The following RGS6 variants were observed in gnomAD, a reference collection of about 807,000 sequenced individuals.
The protein encoded by RGS6 is regulator of G-protein signaling 6.
In RGS6, 30 loss-of-function variants were observed where a neutral mutation model predicts 78.5. That is an observed-to-expected ratio of 0.38 (90% CI 0.29 to 0.52). RGS6 has a LOEUF of 0.52. Ranked by LOEUF, RGS6 falls within the 20% of genes least tolerant of loss-of-function variation. The pLI is 0.85. For missense variants in RGS6, 495 were observed against 609.7 expected, an observed-to-expected ratio of 0.81 and a Z score of 1.98; for synonymous variants, 206 against 206.0, an observed-to-expected ratio of 1.00 and a Z score of 0.00.
chr14:72,046,041 C>G (rs10151349), intron 2 of RGS6, among the ~76,000 whole-genome samples: 100,589 of 151,738 alleles, frequency 0.66, 33,702 homozygotes, highest in East Asian at 0.89. Flanking sequence ...CAGAGGTCTT[C>G]TTGAGTCTTT....
At chr14:71,968,843 T>A (rs1460137367) in intron 2 of RGS6, among the ~76,000 whole-genome samples, 1 of 152,246 alleles carries the variant, frequency 6.6e-6, no homozygotes, top group African/African-American at 2.4e-5. Flanking sequence ...TTTTAAAAAA[T>A]ACTTTAAGTT....
chr14:72,004,333 TAAAAC>T (rs1453721522), intron 2 of RGS6, among the ~76,000 whole-genome samples: 4 of 152,086 alleles, frequency 2.6e-5, no homozygotes, highest in Non-Finnish European at 4.4e-5. Context: ...ACTTACAAAT[TAAAAC>T]AAAAACAGTG....
chr14:71,943,957 A>T (rs1302403675), intron 1 of RGS6, among the ~76,000 whole-genome samples: 1 of 151,992 alleles, frequency 6.6e-6, no homozygotes, highest in African/African-American at 2.4e-5. Flanking sequence ...CTTCATTCTT[A>T]TTGCTTGCTT....
chr14:72,484,889 A>T (rs1053626418), intron 12 of RGS6, among the ~76,000 whole-genome samples: 4 of 151,888 alleles, frequency 2.6e-5, no homozygotes, highest in Admixed American at 6.6e-5. Context: ...ATGGCTACTA[A>T]ATGACTGACC....
intron 3 of RGS6, among the ~76,000 whole-genome samples, chr14:72,423,994 C>T (rs181200738): frequency 6.6e-6 from 1 of 152,338 alleles, no homozygotes; most frequent in African/African-American, 2.4e-5. Flanking sequence ...ACCCATCCCT[C>T]TCCACATGTA....
downstream of RGS6, among the ~76,000 whole-genome samples, chr14:72,567,985 C>CA (rs931092151): frequency 6.6e-6 from 1 of 152,192 alleles, no homozygotes; most frequent in Non-Finnish European, 1.5e-5. Flanking sequence ...GCCCCCTGGC[C>CA]AAAAAGAGGC....
At chr14:71,920,667 G>A in the RGS6 span, among the ~76,000 whole-genome samples, 1 of 152,178 alleles carries the variant, frequency 6.6e-6, no homozygotes, top group Non-Finnish European at 1.5e-5. Flanking sequence ...ACTTGGGGCA[G>A]TTACCCTAAG....
intron 2 of RGS6, among the ~76,000 whole-genome samples, chr14:72,323,403 A>T (rs1656405356): frequency 6.6e-6 from 1 of 152,046 alleles, no homozygotes; most frequent in African/African-American, 2.4e-5. Flanking sequence ...AAGATGTCTT[A>T]TCTAAATTAA....
At chr14:72,365,349 C>A (rs847325) in intron 3 of RGS6, among the ~76,000 whole-genome samples, 65,153 of 152,036 alleles carry the variant, frequency 0.43, 16,527 homozygotes, top group African/African-American at 0.71. Flanking sequence ...AAATTGATAT[C>A]CAGTTTTCCA....
intron 3 of RGS6, among the ~76,000 whole-genome samples, chr14:72,377,368 CTT>C (rs1281131214): frequency 6.6e-6 from 1 of 152,088 alleles, no homozygotes; most frequent in Non-Finnish European, 1.5e-5. Context: ...AACATATACA[CTT>C]AACACTAGGG....
At chr14:71,899,860 G>C in the RGS6 span, among the ~76,000 whole-genome samples, 1 of 152,130 alleles carries the variant, frequency 6.6e-6, no homozygotes, top group African/African-American at 2.4e-5. Flanking sequence ...TTTAACAGTT[G>C]TATTTATGTC....
At chr14:72,166,493 G>A (rs542971661) in intron 2 of RGS6, among the ~76,000 whole-genome samples, 1 of 152,166 alleles carries the variant, frequency 6.6e-6, no homozygotes, top group Non-Finnish European at 1.5e-5. Flanking sequence ...ATACTCAGGA[G>A]CTTCTGAATT....
the RGS6 span, among the ~76,000 whole-genome samples, chr14:71,901,777 A>C: frequency 6.6e-6 from 1 of 152,234 alleles, no homozygotes; most frequent in East Asian, 1.9e-4. Context: ...CTCCTTGCTA[A>C]TAGAAATCTA....
intron 2 of RGS6, among the ~76,000 whole-genome samples, chr14:71,995,664 G>A (rs11623535): frequency 0.69 from 105,413 of 152,068 alleles, 36,984 homozygotes; most frequent in East Asian, 0.79. Flanking sequence ...AACCTGACAC[G>A]TAGCAGGTGC....
intron 14 of RGS6, among the ~76,000 whole-genome samples, chr14:72,511,192 C>G (rs2096874185): frequency 6.6e-6 from 1 of 151,906 alleles, no homozygotes; most frequent in Non-Finnish European, 1.5e-5. Flanking sequence ...TTCTTTGTAC[C>G]AGATTTTGGT....
At position 72,563,076 on chromosome 14, in the gene RGS6, C is replaced by T. The variant is rs1484179381; in HGVS notation, c.*609C>T. The T allele has an allele frequency of 1.2e-5, 5 of 405,532 alleles. No homozygotes were observed. Among genetic ancestry groups the T allele is most frequent in the Middle Eastern group, 7.2e-4 (1 of 1,392 alleles). 25.1% of individuals were successfully genotyped at this position (405,532 alleles called of 1,614,324 possible). A position where few individuals can be genotyped will look rare whatever the true frequency, so the allele number is the denominator to read the frequency against. On this transcript the variant is annotated 3_prime_UTR_variant, in exon 18 of 18. Coordinates refer to ENST00000553525, the MANE Select transcript of RGS6 (RefSeq NM_001204424.2). Reference sequence around the variant, plus strand: ...AAGAAAGCAACCTCACGGATTGCCCCGCCTCAAGGTCTTTCCACCCTCTTT... The same window carrying T: ...AAGAAAGCAACCTCACGGATTGCCCTGCCTCAAGGTCTTTCCACCCTCTTT...
downstream of RGS6, among the ~76,000 whole-genome samples, chr14:72,570,187 T>C (rs2097718682): frequency 6.6e-6 from 1 of 152,246 alleles, no homozygotes; most frequent in Admixed American, 6.5e-5. Flanking sequence ...TAAAATGATT[T>C]ACACAGCATT....
upstream of RGS6, among the ~76,000 whole-genome samples, chr14:71,931,398 G>A (rs745490113): frequency 6.6e-6 from 1 of 152,138 alleles, no homozygotes; most frequent in Non-Finnish European, 1.5e-5. Flanking sequence ...CACAGAGCAG[G>A]TGCTATTTGT....
chr14:72,072,974 G>A (rs925471147), intron 2 of RGS6, among the ~76,000 whole-genome samples: 2 of 152,164 alleles, frequency 1.3e-5, no homozygotes, highest in Non-Finnish European at 2.9e-5. Flanking sequence ...GGGGCACCAG[G>A]AGTTTTAAAA....
Sources: gnomAD v4.1 joint callset for allele counts (sites outside exome capture counted in the v4.1 genomes callset) on GRCh38, gnomAD v4.1.1 for gene constraint, MANE v1.5 for transcripts, NCBI Gene and HGNC (gene_info 2026-07-23, HGNC 2026-07-21) for gene names.